The following PIK3CB variants were observed in gnomAD, a reference collection of about 807,000 sequenced individuals.
PIK3CB encodes the protein phosphatidylinositol-4,5-bisphosphate 3-kinase catalytic subunit beta, also known as phosphatidylinositol 4,5-bisphosphate 3-kinase catalytic subunit beta isoform.
Under a neutral mutation model 136.8 loss-of-function variants are expected in PIK3CB, and 39 were observed. The observed-to-expected ratio is 0.29, with a 90% CI of 0.22 to 0.37. The LOEUF (loss-of-function observed/expected upper bound fraction) is 0.37, where lower values mean the gene tolerates loss of function less well. Among genes scored for constraint, PIK3CB ranks in the 10% least tolerant of loss-of-function variants. The pLI, the probability that PIK3CB is intolerant of heterozygous loss-of-function variation, is 1.00. For missense variants in PIK3CB, 868 were observed against 1,275.4 expected, an observed-to-expected ratio of 0.68 and a Z score of 4.87; for synonymous variants, 428 against 436.6, an observed-to-expected ratio of 0.98 and a Z score of 0.25.
chr3:138,714,492 C>G lies in PIK3CB; in HGVS notation c.1278G>C (p.Gln426His). Residue 426 changes from glutamine to histidine, a missense_variant, in exon 9 of 24, where the codon CAG becomes CAC. By Grantham distance (24) the Gln-to-His change is conservative (BLOSUM62 0). This residue lies in a region of PIK3CB where 612 missense variants were observed against 801.1 expected (regional missense o/e 0.76). Coordinates refer to ENST00000674063, the MANE Select transcript of PIK3CB (RefSeq NM_006219.3). ...STKTINPSKYQTIRKAGKVHY... is the reference protein window; with the variant it reads ...STKTINPSKYHTIRKAGKVHY... ...CCACTTTTCCAGCTTTCCTGATGGTCTGATATTTAGAGGGATTAATAGTTT... is the reference window on the plus strand; with the variant it reads ...CCACTTTTCCAGCTTTCCTGATGGTGTGATATTTAGAGGGATTAATAGTTT... The G allele has an allele frequency of 1.2e-6, 2 of 1,609,674 alleles. No individual in the cohort carries two copies. The highest frequency in any genetic ancestry group is 1.7e-6 in the Non-Finnish European group (2 of 1,176,720).
chr3:138,782,062 A>G (rs1354588854), intron 2 of PIK3CB, among the ~76,000 whole-genome samples: 1 of 152,224 alleles, frequency 6.6e-6, no homozygotes, highest in Non-Finnish European at 1.5e-5. Flanking sequence ...ACTTTGTTAG[A>G]TGTTTTAAAA....
At chr3:138,756,045 A>AT in intron 3 of PIK3CB, 66 bp from the exon 4 acceptor site, 1 of 821,632 alleles carries the variant, frequency 1.2e-6, no homozygotes, top group South Asian at 1.5e-5. Context: ...AGATATAAGG[A>AT]TGCTCACTGC....
At chr3:138,721,982 TG>T (rs1221745717) in intron 8 of PIK3CB, among the ~76,000 whole-genome samples, 3 of 152,196 alleles carry the variant, frequency 2.0e-5, no homozygotes, top group African/African-American at 7.2e-5. Context: ...TATGAGATTC[TG>T]AATATTATAA....
intron 1 of PIK3CB, among the ~76,000 whole-genome samples, chr3:138,821,146 G>A (rs562517039): frequency 3.9e-5 from 6 of 151,940 alleles, no homozygotes; most frequent in African/African-American, 9.6e-5. Context: ...TTAGCTGGGC[G>A]TGGTGGTGCG....
At chr3:138,832,883 G>C (rs1463571901) in intron 1 of PIK3CB, among the ~76,000 whole-genome samples, 1 of 144,420 alleles carries the variant, frequency 6.9e-6, no homozygotes, top group African/African-American at 2.6e-5. Flanking sequence ...GTGGTGGCAC[G>C]CCCCTGTAGT....
At chr3:138,808,050 A>G (rs983830756) in intron 1 of PIK3CB, among the ~76,000 whole-genome samples, 44 of 152,086 alleles carry the variant, frequency 2.9e-4, no homozygotes, top group Non-Finnish European at 6.0e-4. Context: ...TTTATTATAT[A>G]TGTCATGTTC....
chr3:138,730,106 A>G (rs1464225764), intron 8 of PIK3CB, among the ~76,000 whole-genome samples: 1 of 152,156 alleles, frequency 6.6e-6, no homozygotes, highest in East Asian at 1.9e-4. Flanking sequence ...CAACTATATA[A>G]TCCTGCTGGG....
chr3:138,752,819 G>A (rs895704486), intron 4 of PIK3CB, among the ~76,000 whole-genome samples: 3 of 152,064 alleles, frequency 2.0e-5, no homozygotes, highest in Non-Finnish European at 2.9e-5. Flanking sequence ...AACAGTATGC[G>A]CAATTCAATG....
At chr3:138,666,160 C>T (rs1348889246) in intron 19 of PIK3CB, among the ~76,000 whole-genome samples, 1 of 151,776 alleles carries the variant, frequency 6.6e-6, no homozygotes, top group East Asian at 1.9e-4. Flanking sequence ...GATAATTATT[C>T]TCAGATCTCT....
rs1044994183 is a variant in PIK3CB, at chr3:138,654,516, T to C, written c.*873A>G. The C allele has an allele frequency of 8.8e-6, 2 of 228,176 alleles. No homozygotes were observed. The highest frequency in any genetic ancestry group is 4.4e-5 in the African/African-American group (2 of 45,098). 14.1% of individuals were successfully genotyped at this position (228,176 alleles called of 1,614,324 possible). A position where few individuals can be genotyped will look rare whatever the true frequency, so the allele number is the denominator to read the frequency against. ...TCATTTGCTTGCTTTCTTGGATACATTTGCTCAAGTATTATTCTCTATGAA... is the reference window on the plus strand; with the variant it reads ...TCATTTGCTTGCTTTCTTGGATACACTTGCTCAAGTATTATTCTCTATGAA... On this transcript the variant is annotated 3_prime_UTR_variant, in exon 24 of 24. Transcript: ENST00000674063.
intron 18 of PIK3CB, among the ~76,000 whole-genome samples, chr3:138,683,351 CAAAAAAA>C (rs1011302197): frequency 1.5e-5 from 1 of 65,190 alleles, no homozygotes; most frequent in Non-Finnish European, 3.4e-5. Context: ...GACCCTGTCT[CAAAAAAA>C]AAAAAAAAAA....
At chr3:138,717,087 C>T (rs1482722799) in intron 8 of PIK3CB, among the ~76,000 whole-genome samples, 1 of 149,880 alleles carries the variant, frequency 6.7e-6, no homozygotes, top group Non-Finnish European at 1.5e-5. Flanking sequence ...AACTCGGTCT[C>T]TACTAAAAAT....
At chr3:138,742,235 T>C (rs1308694244) in intron 5 of PIK3CB, among the ~76,000 whole-genome samples, 1 of 152,236 alleles carries the variant, frequency 6.6e-6, no homozygotes, top group Non-Finnish European at 1.5e-5. Flanking sequence ...TTTTACTTCT[T>C]CTTCTTTTAA....
intron 1 of PIK3CB, among the ~76,000 whole-genome samples, chr3:138,804,493 AAC>A (rs1311945285): frequency 6.6e-6 from 1 of 152,242 alleles, no homozygotes. Context: ...CAGCCTGAAT[AAC>A]AGAGACCTTG....
intron 2 of PIK3CB, among the ~76,000 whole-genome samples, chr3:138,760,287 C>T (rs959438111): frequency 6.6e-6 from 1 of 152,158 alleles, no homozygotes; most frequent in African/African-American, 2.4e-5. Flanking sequence ...CCAAATCGCT[C>T]AATACAGATG....
intron 2 of PIK3CB, among the ~76,000 whole-genome samples, chr3:138,772,803 T>TTTTA (rs2045816147): frequency 6.8e-6 from 1 of 147,264 alleles, no homozygotes; most frequent in African/African-American, 2.5e-5. Flanking sequence ...TTTTTTTTTT[T>TTTTA]GAGATGGAGT....
chr3:138,704,261 A>T (rs1231854997), intron 12 of PIK3CB, among the ~76,000 whole-genome samples, 182 bp downstream of exon 12: 1 of 152,252 alleles, frequency 6.6e-6, no homozygotes, highest in Non-Finnish European at 1.5e-5. Context: ...CACTGAACCC[A>T]GATCACCCAC....
At chr3:138,698,240 T>A (rs576004457) in intron 13 of PIK3CB, among the ~76,000 whole-genome samples, 1 of 152,110 alleles carries the variant, frequency 6.6e-6, no homozygotes, top group Non-Finnish European at 1.5e-5. Context: ...ATGAAAAAAT[T>A]TGGTTATTTT....
chr3:138,746,527 G>C (rs2045357638), intron 4 of PIK3CB, among the ~76,000 whole-genome samples: 1 of 152,002 alleles, frequency 6.6e-6, no homozygotes, highest in African/African-American at 2.4e-5. Context: ...CAAGAGTGGT[G>C]GCGGGGACCT....
Sources: gnomAD v4.1 joint callset for allele counts (sites outside exome capture counted in the v4.1 genomes callset) on GRCh38, gnomAD v4.1.1 for gene constraint, gnomAD v4.1.1 regional missense constraint, MANE v1.5 for transcripts, NCBI Gene and HGNC (gene_info 2026-07-23, HGNC 2026-07-21) for gene names.